Variants in CMSS1 observed in about 807,000 individuals in gnomAD.
CMSS1 encodes the protein protein CMSS1.
Under a neutral mutation model 43.5 loss-of-function variants are expected in CMSS1, and 33 were observed. The observed-to-expected ratio is 0.76, with a 90% confidence interval of 0.57 to 1.01. The LOEUF (loss-of-function observed/expected upper bound fraction) is 1.01. CMSS1 is among the 50% of genes least tolerant of loss of function. The probability of loss-of-function intolerance (pLI) is 0.00; values close to 1 mark genes in which losing one functional copy is unlikely to be tolerated. For missense variants in CMSS1, 313 were observed against 326.4 expected (o/e 0.96, Z 0.32); for synonymous variants, 115 against 117.2 (o/e 0.98, Z 0.12).
chr3:99,992,483 A>G (rs985506282), intron 1 of CMSS1, among the ~76,000 whole-genome samples: 2 of 151,112 alleles, frequency 1.3e-5, no homozygotes, highest in African/African-American at 4.9e-5. Context: ...AAAAATGTCC[A>G]TTTTTTTGCC....
At chr3:99,981,562 A>G (rs528812991) in intron 1 of CMSS1, among the ~76,000 whole-genome samples, 1 of 152,330 alleles carries the variant, frequency 6.6e-6, no homozygotes, top group Admixed American at 6.5e-5. Flanking sequence ...GTGTATATCT[A>G]TATACCTATA....
chr3:99,987,226 C>T (rs148128568), intron 1 of CMSS1, among the ~76,000 whole-genome samples: 1 of 135,370 alleles, frequency 7.4e-6, no homozygotes, highest in East Asian at 2.2e-4. Flanking sequence ...AAGACCCTGT[C>T]TCTTAAGGGG....
intron 1 of CMSS1, among the ~76,000 whole-genome samples, chr3:100,144,784 G>A (rs2066834342): frequency 6.6e-6 from 1 of 152,192 alleles, no homozygotes; most frequent in Non-Finnish European, 1.5e-5. Context: ...GCTTCCATTG[G>A]CATTTCCAGG....
chr3:100,094,097 A>T (rs893968159), intron 1 of CMSS1, among the ~76,000 whole-genome samples: 1 of 152,200 alleles, frequency 6.6e-6, no homozygotes, highest in Non-Finnish European at 1.5e-5. Context: ...ATTTGGTGTC[A>T]TCACTATTTT....
chr3:99,907,537 G>C (rs563131753), intron 1 of CMSS1, among the ~76,000 whole-genome samples: 3 of 152,230 alleles, frequency 2.0e-5, no homozygotes, highest in African/African-American at 7.2e-5. Flanking sequence ...GTGAGCCAAC[G>C]CACCTGGCGT....
At chr3:99,958,382 G>A (rs1559703565) in intron 1 of CMSS1, among the ~76,000 whole-genome samples, 1 of 152,034 alleles carries the variant, frequency 6.6e-6, no homozygotes, top group Non-Finnish European at 1.5e-5. Flanking sequence ...ACTAGGGCCT[G>A]TTAATGCCAG....
intron 8 of CMSS1, among the ~76,000 whole-genome samples, chr3:100,173,750 TGCACATG>T (rs1418173369): frequency 2.6e-5 from 4 of 152,140 alleles, no homozygotes; most frequent in Non-Finnish European, 4.4e-5. Flanking sequence ...AGCAGGCACA[TGCACATG>T]GTATATCACA....
Position 100,179,986 on chromosome 3 carries a change from G to T in CMSS1, c.*1598G>T, listed in dbSNP as rs550877444. On this transcript the variant is annotated 3_prime_UTR_variant, in exon 10 of 10. Transcript: ENST00000421999. ...TGCACACCCATAAGCCCAACAGCAC[G>T]TGGAAGCTGCCAAGGCTTGGGGCTT... 2.0e-5 allele frequency: 3 copies of T among 152,298 alleles called. No homozygotes were observed. The highest frequency in any genetic ancestry group is 4.4e-5 in the Non-Finnish European group (3 of 68,076). The allele number at this position is 152,298 out of a possible 1,614,324, so 9.4% of individuals were successfully genotyped here.
intron 1 of CMSS1, among the ~76,000 whole-genome samples, chr3:99,877,693 A>T (rs1470066352): frequency 6.6e-6 from 1 of 152,150 alleles, no homozygotes; most frequent in East Asian, 1.9e-4. Flanking sequence ...TGTGAATTGC[A>T]TTGTAATCTT....
chr3:99,856,321 G>A lies in CMSS1; in HGVS notation c.64+38278G>A, dbSNP rs554176812. On this transcript the variant is annotated intron_variant, in intron 1 of 9. Coordinates refer to ENST00000421999, the MANE Select transcript of CMSS1 (RefSeq NM_032359.4). ...AAGAGTATAGGTATGAATAGTGGAC[G>A]TAGACGTTGATCCCTTAAATCTCTC... Among the ~76,000 whole-genome samples the A allele has an allele frequency of 4.6e-5, 7 of 152,344 alleles. No homozygotes were observed. The East Asian group carries it at 1.2e-3, about 25-fold the overall frequency.
intron 1 of CMSS1, among the ~76,000 whole-genome samples, chr3:99,910,043 T>A (rs1259429968): frequency 9.8e-6 from 1 of 102,258 alleles, no homozygotes; most frequent in African/African-American, 2.9e-5. Context: ...AGTGAAGGGC[T>A]TCAGTGTGGG....
intron 1 of CMSS1, among the ~76,000 whole-genome samples, chr3:99,962,450 A>G (rs1033122003): frequency 2.6e-5 from 4 of 152,350 alleles, no homozygotes; most frequent in African/African-American, 7.2e-5. Context: ...TTTTGTTGTT[A>G]GAGAAAGGAT....
chr3:100,080,458 T>C (rs1478392490), intron 1 of CMSS1, among the ~76,000 whole-genome samples: 2 of 152,208 alleles, frequency 1.3e-5, no homozygotes, highest in Non-Finnish European at 2.9e-5. Flanking sequence ...GGGAGTACCC[T>C]AGACAATTTC....
At chr3:99,890,518 C>T (rs958005114) in intron 1 of CMSS1, among the ~76,000 whole-genome samples, 1 of 152,112 alleles carries the variant, frequency 6.6e-6, no homozygotes, top group African/African-American at 2.4e-5. Flanking sequence ...TTTATCTTCA[C>T]ATCCCTTAAC....
At chr3:99,849,724 T>G in intron 1 of CMSS1, 1 of 1,613,884 alleles carries the variant, frequency 6.2e-7, no homozygotes, top group Non-Finnish European at 8.5e-7. Context: ...ATCTTCTGTT[T>G]TCATGAGGTC....
At chr3:100,090,033 AG>A (rs1255055337) in intron 1 of CMSS1, among the ~76,000 whole-genome samples, 2 of 152,210 alleles carry the variant, frequency 1.3e-5, no homozygotes, top group African/African-American at 4.8e-5. Flanking sequence ...TCCTGATAGG[AG>A]TGCGTGGAGC....
chr3:100,084,088 G>A (rs1413208486), intron 1 of CMSS1, among the ~76,000 whole-genome samples: 1 of 152,116 alleles, frequency 6.6e-6, no homozygotes, highest in Non-Finnish European at 1.5e-5. Flanking sequence ...CAGCAGAAAG[G>A]AGCTCAATTT....
intron 1 of CMSS1, among the ~76,000 whole-genome samples, chr3:100,080,089 A>C (rs1464999938): frequency 6.6e-6 from 1 of 151,994 alleles, no homozygotes; most frequent in Non-Finnish European, 1.5e-5. Flanking sequence ...TTTAACTTTT[A>C]CTCCATCCCT....
chr3:100,125,848 C>T (rs1039249192), intron 1 of CMSS1, among the ~76,000 whole-genome samples: 2 of 152,104 alleles, frequency 1.3e-5, no homozygotes, highest in African/African-American at 4.8e-5. Context: ...ATAAACTAGC[C>T]AGTGTAAATA....
Sources: gnomAD v4.1 joint callset for allele counts (sites outside exome capture counted in the v4.1 genomes callset) on GRCh38, gnomAD v4.1.1 for gene constraint, MANE v1.5 for transcripts, NCBI Gene and HGNC (gene_info 2026-07-23, HGNC 2026-07-21) for gene names.